OCA2: variants seen among roughly 807,000 people sequenced by gnomAD.
OCA2 encodes the protein P protein.
Under a neutral mutation model 100.2 loss-of-function variants are expected in OCA2, and 77 were observed. That is an observed-to-expected ratio of 0.77 (90% CI 0.64 to 0.93). OCA2 has a LOEUF of 0.93. Ranked by LOEUF, OCA2 falls within the 40% of genes least tolerant of loss-of-function variation. The pLI is 0.00. For synonymous variants in OCA2, 432 were observed against 439.2 expected (o/e 0.98, Z 0.21); for missense variants, 1,062 against 1,089.1 (o/e 0.98, Z 0.35).
In OCA2 at chr15:28,014,946, C is replaced by A. The variant is rs769320631; in HGVS notation, c.891-17G>T. ...ACCGTCTCTCTGCAGAACGAAACAA[C>A]GACCTTACTGTTCACAAGGTCAACA... On this transcript the variant is annotated splice_polypyrimidine_tract_variant and intron_variant, in intron 8 of 23. Coordinates refer to ENST00000354638, the MANE Select transcript of OCA2 (RefSeq NM_000275.3). The A allele has an allele frequency of 6.2e-7, 1 of 1,613,882 alleles. No homozygotes were observed. Among genetic ancestry groups the A allele is most frequent in the Non-Finnish European group, 8.5e-7 (1 of 1,179,940 alleles).
intron 14 of OCA2, among the ~76,000 whole-genome samples, chr15:27,978,849 CTAA>C (rs1404899538): frequency 6.6e-6 from 1 of 152,074 alleles, no homozygotes; most frequent in Non-Finnish European, 1.5e-5. Flanking sequence ...CCATGCCCGG[CTAA>C]TATTTTGTAC....
At chr15:27,780,617 G>A (rs556524347) in intron 23 of OCA2, among the ~76,000 whole-genome samples, 2 of 152,248 alleles carry the variant, frequency 1.3e-5, no homozygotes, top group Admixed American at 1.3e-4. Flanking sequence ...CAGGTTACTC[G>A]GGTAATTAAT....
chr15:27,874,967 T>C (rs1365272229), intron 19 of OCA2, among the ~76,000 whole-genome samples: 4 of 152,176 alleles, frequency 2.6e-5, no homozygotes, highest in Non-Finnish European at 4.4e-5. Context: ...ATTTATAGTC[T>C]TAAATATACA....
At chr15:27,919,328 A>G (rs550738038) in intron 19 of OCA2, among the ~76,000 whole-genome samples, 4 of 152,310 alleles carry the variant, frequency 2.6e-5, no homozygotes, top group African/African-American at 9.6e-5. Context: ...AGACGTTCGT[A>G]GCAGCTTTAT....
chr15:27,951,368 C>T (rs1595705514), intron 18 of OCA2, among the ~76,000 whole-genome samples: 1 of 152,242 alleles, frequency 6.6e-6, no homozygotes, highest in Admixed American at 6.5e-5. Flanking sequence ...CCAGGGCTCT[C>T]CCGAACAGAC....
At chr15:27,726,667 C>G in the OCA2 span, among the ~76,000 whole-genome samples, 1 of 152,018 alleles carries the variant, frequency 6.6e-6, no homozygotes, top group Non-Finnish European at 1.5e-5. Context: ...AGAGGAGAGA[C>G]CAGAGCAAAA....
chr15:28,088,078 A>T (rs1566884976), intron 1 of OCA2, among the ~76,000 whole-genome samples: 1 of 152,082 alleles, frequency 6.6e-6, no homozygotes, highest in Non-Finnish European at 1.5e-5. Flanking sequence ...AAAAAAAAAA[A>T]GGTAAGTCCA....
intron 2 of OCA2, among the ~76,000 whole-genome samples, chr15:28,062,770 T>C (rs1221724276): frequency 6.6e-6 from 1 of 152,224 alleles, no homozygotes; most frequent in Admixed American, 6.5e-5. Context: ...TTCTTTTGCA[T>C]GTGGATAGCC....
intron 21 of OCA2, among the ~76,000 whole-genome samples, chr15:27,863,126 C>A (rs552359900): frequency 6.6e-6 from 1 of 152,202 alleles, no homozygotes; most frequent in African/African-American, 2.4e-5. Flanking sequence ...GAGGCTGCAA[C>A]TAACTGGGCA....
At chr15:27,936,813 C>G (rs1278223671) in intron 18 of OCA2, among the ~76,000 whole-genome samples, 1 of 152,186 alleles carries the variant, frequency 6.6e-6, no homozygotes, top group Non-Finnish European at 1.5e-5. Context: ...AAGCTAATGG[C>G]TTCCATTCAA....
At chr15:27,915,461 T>C (rs976317180) in intron 19 of OCA2, among the ~76,000 whole-genome samples, 1 of 152,314 alleles carries the variant, frequency 6.6e-6, no homozygotes, top group East Asian at 1.9e-4. Flanking sequence ...ACACTATGTA[T>C]CTGACAAAGG....
chr15:28,017,388 GC>G (rs2042430949), intron 7 of OCA2, among the ~76,000 whole-genome samples: 2 of 151,668 alleles, frequency 1.3e-5, no homozygotes, highest in African/African-American at 2.4e-5. Context: ...ATATGCAAGT[GC>G]TGGGGAGGCA....
At chr15:27,836,544 A>G (rs1262383597) in intron 23 of OCA2, among the ~76,000 whole-genome samples, 1 of 152,228 alleles carries the variant, frequency 6.6e-6, no homozygotes. Context: ...AGGGGAAAAG[A>G]AAGTATTTGA....
At chr15:27,931,524 CG>C (rs2039250265) in intron 18 of OCA2, among the ~76,000 whole-genome samples, 1 of 151,922 alleles carries the variant, frequency 6.6e-6, no homozygotes, top group African/African-American at 2.4e-5. Flanking sequence ...TTAGCAGAGA[CG>C]GGGTTTCACC....
intron 23 of OCA2, among the ~76,000 whole-genome samples, chr15:27,790,578 C>CA (rs1001601979): frequency 1.5e-4 from 23 of 151,084 alleles, no homozygotes; most frequent in Admixed American, 9.2e-4. Context: ...ACTATAGGGA[C>CA]AAAAAAAAGA....
At chr15:27,976,770 C>G (rs1011865336) in intron 14 of OCA2, among the ~76,000 whole-genome samples, 38 of 152,210 alleles carry the variant, frequency 2.5e-4, no homozygotes, top group African/African-American at 9.2e-4. Context: ...GGGAAATATT[C>G]TCACCTCTTC....
intron 19 of OCA2, among the ~76,000 whole-genome samples, chr15:27,901,796 C>A (rs2037947557): frequency 6.6e-6 from 1 of 152,176 alleles, no homozygotes; most frequent in African/African-American, 2.4e-5. Flanking sequence ...AGTCCCCAGA[C>A]CTAAGTCCCC....
the OCA2 span, among the ~76,000 whole-genome samples, chr15:27,738,044 G>C: frequency 5.3e-5 from 8 of 152,284 alleles, 1 homozygote; most frequent in Admixed American, 6.5e-5. Context: ...GGGAGCACAT[G>C]GAATCTAATA....
At chr15:27,980,369 C>T (rs755176680) in intron 14 of OCA2, among the ~76,000 whole-genome samples, 24 of 152,046 alleles carry the variant, frequency 1.6e-4, no homozygotes, top group Non-Finnish European at 2.5e-4. Context: ...CCTCATGATC[C>T]GACCGCCTCA....
Sources: allele counts gnomAD v4.1 joint callset (sites outside exome capture counted in the v4.1 genomes callset), GRCh38; gene constraint gnomAD v4.1.1; transcripts MANE v1.5; gene names NCBI Gene and HGNC (gene_info 2026-07-23, HGNC 2026-07-21).